Variants in MBNL2 observed in about 807,000 individuals in gnomAD.
The protein encoded by MBNL2 is muscleblind like splicing regulator 2, also known as muscleblind-like protein 2.
In MBNL2, 17 loss-of-function variants were observed where a neutral mutation model predicts 41.9. That is an observed-to-expected ratio of 0.41 (90% confidence interval 0.28 to 0.61). MBNL2 has a LOEUF of 0.61. Among genes scored for constraint, MBNL2 ranks in the 20% least tolerant of loss-of-function variants. The pLI, the probability that MBNL2 is intolerant of heterozygous loss-of-function variation, is 0.35. For synonymous variants in MBNL2, 195 were observed against 182.9 expected (o/e 1.07, Z -0.53); for missense variants, 336 against 505.6 (o/e 0.66, Z 3.22).
At chr13:97,339,758 C>CACCTCCT (rs2061271949) in intron 3 of MBNL2, among the ~76,000 whole-genome samples, 1 of 152,176 alleles carries the variant, frequency 6.6e-6, no homozygotes, top group East Asian at 1.9e-4. Context: ...CCACACCTCA[C>CACCTCCT]ACCTCCTGTC....
chr13:97,147,719 G>A, the MBNL2 span, among the ~76,000 whole-genome samples: 1 of 152,154 alleles, frequency 6.6e-6, no homozygotes, highest in Admixed American at 6.6e-5. Context: ...ATGGCATTGA[G>A]CTGACACAGT....
intron 8 of MBNL2, among the ~76,000 whole-genome samples, chr13:97,374,992 C>G (rs1031745629): frequency 1.3e-5 from 2 of 152,160 alleles, no homozygotes; most frequent in South Asian, 2.1e-4. Context: ...GGAATTCCTA[C>G]TCATGGGCAC....
At chr13:97,369,033 T>C (rs1323862065) in intron 8 of MBNL2, among the ~76,000 whole-genome samples, 4 of 152,196 alleles carry the variant, frequency 2.6e-5, no homozygotes, top group African/African-American at 4.8e-5. Flanking sequence ...CAGCTCTTGA[T>C]GCAGGTCTGC....
Position 97,366,405 on chromosome 13 carries a change from T to C in MBNL2, c.1048+1234T>C, listed in dbSNP as rs2063842670. ...CACCATGCCAAAATACCACTTCTAT[T>C]ACCATAATGCTACACCCTCCTGTTC... is the stretch of plus-strand genomic sequence containing the variant. On this transcript the variant is annotated intron_variant, in intron 8 of 8. Transcript: ENST00000679496. The surrounding 1 kb of genome is among the most constrained non-coding windows in gnomAD (Gnocchi z 4.7). 6 of 844,836 alleles carry C rather than the reference T, an allele frequency of 7.1e-6. No individual in the cohort carries two copies. The highest frequency in any genetic ancestry group is 4.0e-5 in the Admixed American group (2 of 50,260). The allele number at this position is 844,836 out of a possible 1,614,324, so 52.3% of individuals were successfully genotyped here.
At chr13:97,291,259 T>G (rs1250123829) in intron 2 of MBNL2, among the ~76,000 whole-genome samples, 1 of 152,032 alleles carries the variant, frequency 6.6e-6, no homozygotes, top group Admixed American at 6.5e-5. Flanking sequence ...ATTATTATTT[T>G]GAGACAGAGT....
At chr13:97,166,833 T>TAGAAAGAAAGAA in the MBNL2 span, among the ~76,000 whole-genome samples, 162 of 110,744 alleles carry the variant, frequency 1.5e-3, 1 homozygote, top group East Asian at 0.012. Flanking sequence ...GATAGATAGA[T>TAGAAAGAAAGAA]AGATAGAAAG....
At chr13:97,181,957 C>T in the MBNL2 span, among the ~76,000 whole-genome samples, 2 of 152,074 alleles carry the variant, frequency 1.3e-5, no homozygotes, top group African/African-American at 2.4e-5. Flanking sequence ...GTTCTAAAGG[C>T]GTAGTACTTC....
intron 2 of MBNL2, among the ~76,000 whole-genome samples, chr13:97,299,414 T>A (rs1363775932): frequency 6.6e-6 from 1 of 152,116 alleles, no homozygotes; most frequent in Non-Finnish European, 1.5e-5. Flanking sequence ...ATGGAATCGA[T>A]TGATGTAGGC....
At chr13:97,271,497 A>C (rs1366194155) in intron 1 of MBNL2, among the ~76,000 whole-genome samples, 2 of 152,120 alleles carry the variant, frequency 1.3e-5, no homozygotes, top group Non-Finnish European at 2.9e-5. Context: ...ACATGTGCAG[A>C]ATGTGCAGGT....
At chr13:97,322,009 G>A (rs906832836) in intron 2 of MBNL2, among the ~76,000 whole-genome samples, 3 of 152,208 alleles carry the variant, frequency 2.0e-5, no homozygotes, top group African/African-American at 7.2e-5. Context: ...TAGATGATAT[G>A]TACAACGTTA....
At chr13:97,223,383 C>G (rs1048590581) in intron 1 of MBNL2, among the ~76,000 whole-genome samples, 16 of 152,300 alleles carry the variant, frequency 1.1e-4, no homozygotes, top group South Asian at 8.3e-4. Flanking sequence ...ACACTTGGCC[C>G]AGGAGAAGGA....
At chr13:97,382,768 G>C (rs1284495173) in intron 8 of MBNL2, among the ~76,000 whole-genome samples, 3 of 148,398 alleles carry the variant, frequency 2.0e-5, no homozygotes, top group African/African-American at 7.5e-5. Flanking sequence ...TCCAACCTCC[G>C]CCTCCCGGGT....
the MBNL2 span, among the ~76,000 whole-genome samples, chr13:97,149,941 C>A: frequency 3.3e-5 from 5 of 152,128 alleles, no homozygotes; most frequent in Non-Finnish European, 7.4e-5. Flanking sequence ...CCTAAAACAC[C>A]CCCCTATATC....
At chr13:97,305,558 G>A (rs938420874) in intron 2 of MBNL2, among the ~76,000 whole-genome samples, 3 of 152,088 alleles carry the variant, frequency 2.0e-5, no homozygotes, top group African/African-American at 7.2e-5. Context: ...GAGCCCAGGA[G>A]TTTGAGACCA....
chr13:97,172,300 T>G, the MBNL2 span, among the ~76,000 whole-genome samples: 1 of 152,150 alleles, frequency 6.6e-6, no homozygotes, highest in Admixed American at 6.6e-5. Flanking sequence ...ACATTCCTAT[T>G]TCCTCTATTT....
At chr13:97,287,585 A>G (rs903712176) in intron 2 of MBNL2, among the ~76,000 whole-genome samples, 5 of 152,182 alleles carry the variant, frequency 3.3e-5, no homozygotes, top group African/African-American at 9.7e-5. Flanking sequence ...CTATGGTGAT[A>G]TAGAACACTA....
At chr13:97,357,420 GT>G in intron 6 of MBNL2, 61 bp from the exon 7 acceptor site, 6 of 1,383,058 alleles carry the variant, frequency 4.3e-6, no homozygotes, top group Non-Finnish European at 6.2e-6. Flanking sequence ...GATGATCTCT[GT>G]GAACATGGAA....
chr13:97,366,599 T>C lies in MBNL2; in HGVS notation c.1048+1428T>C. 1 of 1,146,262 alleles carries C rather than the reference T, an allele frequency of 8.7e-7. No homozygotes were observed. Among genetic ancestry groups the C allele is most frequent in the Non-Finnish European group, 1.3e-6 (1 of 761,582 alleles). 71.0% of individuals were successfully genotyped at this position (1,146,262 alleles called of 1,614,324 possible). A position where few individuals can be genotyped will look rare whatever the true frequency, so the allele number is the denominator to read the frequency against. On this transcript the variant is annotated intron_variant, in intron 8 of 8. Transcript: ENST00000679496. The surrounding 1 kb of genome is among the most constrained non-coding windows in gnomAD (Gnocchi z 4.7). ...TCTTTCACAAATCCCAAACTCTAAATGAGTGCTGATATTTAAAAAAAAAAT... is the reference window on the plus strand; with the variant it reads ...TCTTTCACAAATCCCAAACTCTAAACGAGTGCTGATATTTAAAAAAAAAAT...
At chr13:97,171,087 G>A in the MBNL2 span, among the ~76,000 whole-genome samples, 20 of 152,298 alleles carry the variant, frequency 1.3e-4, no homozygotes, top group Non-Finnish European at 2.6e-4. Context: ...TCAAATGTAG[G>A]TTGGTCTGAT....
Sources: allele counts gnomAD v4.1 joint callset (sites outside exome capture counted in the v4.1 genomes callset), GRCh38; gene constraint gnomAD v4.1.1; non-coding constraint Gnocchi (gnomAD v3.1); transcripts MANE v1.5; gene names NCBI Gene and HGNC (gene_info 2026-07-23, HGNC 2026-07-21).